The following RERE variants were observed in gnomAD, a reference collection of about 807,000 sequenced individuals.
The protein encoded by RERE is arginine-glutamic acid dipeptide repeats.
A neutral mutation model predicts 146.1 loss-of-function variants in RERE; 40 were observed. That is an observed-to-expected ratio of 0.27 (90% CI 0.21 to 0.36). RERE has a LOEUF of 0.36. RERE is among the 10% of genes least tolerant of loss of function. The pLI, the probability that RERE is intolerant of heterozygous loss-of-function variation, is 1.00. For missense variants in RERE, 1,933 were observed against 2,138.7 expected (o/e 0.90, Z 1.90); for synonymous variants, 1,003 against 866.0 (o/e 1.16, Z -2.78).
intron 1 of RERE, among the ~76,000 whole-genome samples, chr1:8,773,825 GAA>G (rs1158954118): frequency 6.6e-6 from 1 of 152,018 alleles, no homozygotes; most frequent in Admixed American, 6.6e-5. Context: ...CTCCATCTCA[GAA>G]AAAAGTTACA....
rs962275530 is a variant in RERE, at chr1:8,545,320, C to T, written c.726-4002G>A. ...AAATGACTCATTTCAGTAATCCTTC[C>T]GAGTGGGGCGGGCCCCAGAGAGTTT... On this transcript the variant is annotated intron_variant, in intron 6 of 22. Coordinates refer to ENST00000400908, the MANE Select transcript of RERE (RefSeq NM_001042681.2). 4.6e-5 allele frequency among the ~76,000 whole-genome samples: 7 copies of T among 152,262 alleles called. No individual in the cohort carries two copies. The East Asian group carries it at 5.8e-4, about 13-fold the overall frequency.
chr1:8,478,367 G>A (rs1231260787), intron 10 of RERE, among the ~76,000 whole-genome samples: 1 of 152,174 alleles, frequency 6.6e-6, no homozygotes, highest in Non-Finnish European at 1.5e-5. Flanking sequence ...AAAAAGTAAA[G>A]AAAGAAGAAA....
intron 12 of RERE, among the ~76,000 whole-genome samples, chr1:8,409,824 AT>A (rs1643562368): frequency 1.3e-5 from 2 of 152,156 alleles, no homozygotes; most frequent in East Asian, 3.8e-4. Flanking sequence ...ATCAAAGCTA[AT>A]GGTCCCTCTC....
intron 1 of RERE, among the ~76,000 whole-genome samples, chr1:8,815,524 A>G (rs1453782613): frequency 1.3e-5 from 2 of 152,186 alleles, no homozygotes; most frequent in African/African-American, 2.4e-5. Context: ...ACATATACAA[A>G]AAAGAAAGAG....
At chr1:8,402,854 G>C (rs935668532) in intron 12 of RERE, among the ~76,000 whole-genome samples, 1 of 152,126 alleles carries the variant, frequency 6.6e-6, no homozygotes, top group South Asian at 2.1e-4. Context: ...AAACTGCCTG[G>C]GGGGCGCTGG....
chr1:8,445,726 G>C (rs1644308575), intron 11 of RERE, among the ~76,000 whole-genome samples: 1 of 151,918 alleles, frequency 6.6e-6, no homozygotes, highest in Non-Finnish European at 1.5e-5. Flanking sequence ...AGAACGTGCA[G>C]GTTTGTTACA....
At chr1:8,428,078 G>C (rs539298688) in intron 11 of RERE, among the ~76,000 whole-genome samples, 1 of 152,202 alleles carries the variant, frequency 6.6e-6, no homozygotes, top group African/African-American at 2.4e-5. Context: ...AAGGTCTCAT[G>C]AATTATTTCT....
intron 1 of RERE, among the ~76,000 whole-genome samples, chr1:8,760,977 T>C (rs115501382): frequency 0.012 from 1,875 of 152,184 alleles, 45 homozygotes; most frequent in African/African-American, 0.043. Flanking sequence ...CTCCATTATA[T>C]AGACAAGGAA....
intron 10 of RERE, among the ~76,000 whole-genome samples, chr1:8,473,442 G>A (rs1017906006): frequency 2.6e-5 from 4 of 152,186 alleles, no homozygotes; most frequent in Non-Finnish European, 4.4e-5. Flanking sequence ...GGACCTCATC[G>A]CGGATTTTGG....
intron 1 of RERE, among the ~76,000 whole-genome samples, chr1:8,657,083 A>G (rs1440109506): frequency 6.6e-6 from 1 of 152,194 alleles, no homozygotes; most frequent in Non-Finnish European, 1.5e-5. Flanking sequence ...AAGATGGATC[A>G]CGGGGTCAGG....
chr1:8,482,269 C>G (rs1243802212), intron 10 of RERE, among the ~76,000 whole-genome samples: 1 of 152,122 alleles, frequency 6.6e-6, no homozygotes, highest in East Asian at 1.9e-4. Flanking sequence ...TTAGGTAATG[C>G]TCTCTCTCAT....
chr1:8,557,286 A>G lies in RERE; in HGVS notation c.628+132T>C. On this transcript the variant is annotated intron_variant, in intron 5 of 22. Transcript: ENST00000400908. ...GACTAACTGGTAGCCAATGTGAATC[A>G]TCAAGCATAAGGCCTACCAACACTC... 3 of 624,322 alleles carry G rather than the reference A, an allele frequency of 4.8e-6. No individual in the cohort carries two copies. In the South Asian group the frequency reaches 5.8e-5, roughly 12 times the overall value. The allele number at this position is 624,322 out of a possible 1,614,324, so 38.7% of individuals were successfully genotyped here. A position where few individuals can be genotyped will look rare whatever the true frequency, so the allele number is the denominator to read the frequency against.
chr1:8,558,702 C>T (rs1646035873), intron 4 of RERE, among the ~76,000 whole-genome samples: 1 of 151,964 alleles, frequency 6.6e-6, no homozygotes, highest in Non-Finnish European at 1.5e-5. Flanking sequence ...CTAAAAAACA[C>T]TTAAAAGCCA....
At chr1:8,763,763 G>A (rs1569741611) in intron 1 of RERE, among the ~76,000 whole-genome samples, 1 of 152,038 alleles carries the variant, frequency 6.6e-6, no homozygotes, top group South Asian at 2.1e-4. Flanking sequence ...ACATGGTGAA[G>A]CCCCATCTCT....
At chr1:8,632,406 A>G (rs1193838538) in intron 2 of RERE, among the ~76,000 whole-genome samples, 3 of 152,270 alleles carry the variant, frequency 2.0e-5, no homozygotes, top group Non-Finnish European at 2.9e-5. Flanking sequence ...TACAGGGCTC[A>G]CTGGAAATAC....
chr1:8,697,131 A>T (rs1639349430), intron 1 of RERE, among the ~76,000 whole-genome samples: 1 of 152,196 alleles, frequency 6.6e-6, no homozygotes, highest in South Asian at 2.1e-4. Flanking sequence ...AACCTATGTT[A>T]AGAATTATGA....
chr1:8,743,467 C>G (rs973398146), intron 1 of RERE, among the ~76,000 whole-genome samples: 1 of 146,856 alleles, frequency 6.8e-6, no homozygotes, highest in Non-Finnish European at 1.5e-5. Flanking sequence ...GGGGTTTCAC[C>G]ATGTTGGCCA....
intron 1 of RERE, among the ~76,000 whole-genome samples, chr1:8,771,247 G>A (rs1640942902): frequency 6.6e-6 from 1 of 152,106 alleles, no homozygotes; most frequent in Non-Finnish European, 1.5e-5. Context: ...AACTGGGCCG[G>A]GCGTGGTGGC....
At chr1:8,671,452 G>A (rs1638715934) in intron 1 of RERE, among the ~76,000 whole-genome samples, 1 of 152,180 alleles carries the variant, frequency 6.6e-6, no homozygotes, top group Non-Finnish European at 1.5e-5. Context: ...AGTCCTTCCT[G>A]GCTGATTTCC....
Sources: gnomAD v4.1 joint callset for allele counts (sites outside exome capture counted in the v4.1 genomes callset) on GRCh38, gnomAD v4.1.1 for gene constraint, MANE v1.5 for transcripts, NCBI Gene and HGNC (gene_info 2026-07-23, HGNC 2026-07-21) for gene names.